Variants in ZSWIM6 observed in about 807,000 individuals in gnomAD.
ZSWIM6 encodes the protein zinc finger SWIM domain-containing protein 6.
Under a neutral mutation model 113.2 loss-of-function variants are expected in ZSWIM6, and 9 were observed. The ratio of observed to expected loss-of-function variants is 0.08; its 90% CI spans 0.05 to 0.14. The LOEUF (loss-of-function observed/expected upper bound fraction) is 0.14, where lower values mean the gene tolerates loss of function less well. ZSWIM6 is among the 10% of genes least tolerant of loss of function. The pLI, the probability that ZSWIM6 is intolerant of heterozygous loss-of-function variation, is 1.00. For missense variants in ZSWIM6, 1,162 were observed against 1,552.2 expected (o/e 0.75, Z 4.22); for synonymous variants, 611 against 606.5 (o/e 1.01, Z -0.11).
chr5:61,386,113 T>C (rs569206429), intron 1 of ZSWIM6, among the ~76,000 whole-genome samples: 39 of 152,328 alleles, frequency 2.6e-4, no homozygotes, highest in Middle Eastern at 3.4e-3. Context: ...TTTCAATGCT[T>C]TGAAGTTGTA....
At chr5:61,420,652 AATG>A (rs1297041440) in intron 1 of ZSWIM6, among the ~76,000 whole-genome samples, 6 of 152,238 alleles carry the variant, frequency 3.9e-5, no homozygotes, top group Admixed American at 2.0e-4. Context: ...AATTGATTAT[AATG>A]ATGATTAATT....
At chr5:61,435,066 TCTAA>T (rs1746677402) in intron 1 of ZSWIM6, among the ~76,000 whole-genome samples, 1 of 152,108 alleles carries the variant, frequency 6.6e-6, no homozygotes, top group Non-Finnish European at 1.5e-5. Context: ...CTGGACAGAG[TCTAA>T]CTACTGGCGA....
chr5:61,420,487 C>T (rs1026901805), intron 1 of ZSWIM6, among the ~76,000 whole-genome samples: 3 of 149,642 alleles, frequency 2.0e-5, no homozygotes, highest in Admixed American at 6.6e-5. Context: ...TTTACCAGAA[C>T]ACAATTTTTT....
chr5:61,407,177 C>T (rs1217891373), intron 1 of ZSWIM6, among the ~76,000 whole-genome samples: 11 of 152,132 alleles, frequency 7.2e-5, no homozygotes, highest in Admixed American at 2.6e-4. Flanking sequence ...GCCTAAAATT[C>T]CTCTGAGCCC....
intron 1 of ZSWIM6, among the ~76,000 whole-genome samples, chr5:61,417,320 G>A (rs115783972): frequency 1.2e-3 from 185 of 152,284 alleles, no homozygotes; most frequent in African/African-American, 4.2e-3. Flanking sequence ...AACAGGTTTA[G>A]GAGATTATTA....
At chr5:61,370,307 T>C (rs1278369479) in intron 1 of ZSWIM6, among the ~76,000 whole-genome samples, 1 of 152,236 alleles carries the variant, frequency 6.6e-6, no homozygotes, top group African/African-American at 2.4e-5. Flanking sequence ...TTTTGAAACA[T>C]GTGCAAGATA....
chr5:61,372,003 A>G (rs1745274586), intron 1 of ZSWIM6, among the ~76,000 whole-genome samples: 1 of 151,508 alleles, frequency 6.6e-6, no homozygotes, highest in Admixed American at 6.6e-5. Flanking sequence ...TTTAATGTCT[A>G]CAGAAGAGAT....
chr5:61,332,799 C>CCGA lies in ZSWIM6; in HGVS notation c.529_530insACG (p.Ala176_Ala177insAsp), dbSNP rs1744291364. The CCGA allele has an allele frequency of 1.1e-6, 1 of 887,398 alleles. No individual in the cohort carries two copies. The highest frequency in any genetic ancestry group is 1.9e-5 in the African/African-American group (1 of 53,148). 55.0% of individuals were successfully genotyped at this position (887,398 alleles called of 1,614,324 possible). ...TCGGCCGCCGCCGCCGCTGCCGCCG[C>CCGA]CGCCGCCGCCGCCGCCGCCGCCGCG... On this transcript the variant is annotated inframe_insertion, in exon 1 of 14. Coordinates refer to ENST00000252744, the MANE Select transcript of ZSWIM6 (RefSeq NM_020928.2).
intron 1 of ZSWIM6, among the ~76,000 whole-genome samples, chr5:61,348,773 C>T (rs2112036587): frequency 1.3e-5 from 2 of 152,192 alleles, no homozygotes; most frequent in Middle Eastern, 6.8e-3. Flanking sequence ...CATACTGTTT[C>T]TTCTTAAAAA....
chr5:61,339,672 A>G (rs1027867794), intron 1 of ZSWIM6, among the ~76,000 whole-genome samples: 1 of 152,218 alleles, frequency 6.6e-6, no homozygotes, highest in Non-Finnish European at 1.5e-5. Flanking sequence ...ATAGGTAACT[A>G]TAAATATCTT....
At chr5:61,422,177 C>T (rs535268869) in intron 1 of ZSWIM6, among the ~76,000 whole-genome samples, 10 of 152,270 alleles carry the variant, frequency 6.6e-5, no homozygotes, top group Non-Finnish European at 1.2e-4. Flanking sequence ...CAAAGTTTTC[C>T]TTTAGAAGTT....
chr5:61,470,881 G>T (rs190846962), intron 1 of ZSWIM6, among the ~76,000 whole-genome samples: 10 of 152,306 alleles, frequency 6.6e-5, no homozygotes, highest in Non-Finnish European at 1.2e-4. Context: ...TATTACCTCT[G>T]AAAGATTTCT....
intron 1 of ZSWIM6, among the ~76,000 whole-genome samples, chr5:61,440,360 TAAA>T (rs11356012): frequency 1.1e-4 from 13 of 113,050 alleles, no homozygotes; most frequent in Admixed American, 2.8e-4. Context: ...TTCATTGGTG[TAAA>T]AAAAAAAAAA....
At chr5:61,485,741 A>G (rs1337825089) in intron 2 of ZSWIM6, among the ~76,000 whole-genome samples, 1 of 152,078 alleles carries the variant, frequency 6.6e-6, no homozygotes, top group Non-Finnish European at 1.5e-5. Context: ...AGCATTATGT[A>G]TTTTCGCCCC....
intron 7 of ZSWIM6, among the ~76,000 whole-genome samples, chr5:61,528,457 A>G (rs1430993106): frequency 1.3e-5 from 2 of 151,926 alleles, no homozygotes; most frequent in African/African-American, 4.8e-5. Flanking sequence ...TGTTTCCAGG[A>G]GTAGTGCTCA....
At chr5:61,411,279 A>C (rs1365170144) in intron 1 of ZSWIM6, among the ~76,000 whole-genome samples, 2 of 152,320 alleles carry the variant, frequency 1.3e-5, no homozygotes, top group Non-Finnish European at 2.9e-5. Context: ...ATTTGGACTT[A>C]AGTGTGACTC....
chr5:61,443,890 T>G (rs1746889713), intron 1 of ZSWIM6, among the ~76,000 whole-genome samples: 1 of 152,192 alleles, frequency 6.6e-6, no homozygotes, highest in Non-Finnish European at 1.5e-5. Context: ...AAAGTTAATT[T>G]TAATGAAACA....
Position 61,332,538 on chromosome 5 carries a change from G to C in ZSWIM6, c.266G>C (p.Trp89Ser). The change falls in exon 1 of 14, where the codon TGG (tryptophan) becomes TCG (serine). Residue 89 changes from tryptophan to serine, a missense_variant. Trp to Ser is a radical substitution (Grantham distance 177, BLOSUM62 -3). Transcript: ENST00000252744. ...GCGGCGCGCAGGGTGGCGGAGAAGT[G>C]GCCGTTCCAGCGCGTGGAGGAGCGC... ...DIAARRVAEK[W>S]PFQRVEERFE... The C allele has an allele frequency of 7.4e-7, 1 of 1,348,912 alleles. No homozygotes were observed. 83.6% of individuals were successfully genotyped at this position (1,348,912 alleles called of 1,614,324 possible).
At chr5:61,354,685 C>T (rs1744862078) in intron 1 of ZSWIM6, among the ~76,000 whole-genome samples, 1 of 152,130 alleles carries the variant, frequency 6.6e-6, no homozygotes, top group Non-Finnish European at 1.5e-5. Context: ...ATTTCAATCC[C>T]CCTGCATTTC....
Sources: gnomAD v4.1 joint callset for allele counts (sites outside exome capture counted in the v4.1 genomes callset) on GRCh38, gnomAD v4.1.1 for gene constraint, MANE v1.5 for transcripts, NCBI Gene and HGNC (gene_info 2026-07-23, HGNC 2026-07-21) for gene names.